Variants in MICAL2 observed in about 807,000 individuals in gnomAD.
MICAL2 encodes [F-actin]-monooxygenase MICAL2.
A neutral mutation model predicts 127.3 loss-of-function variants in MICAL2; 77 were observed. The observed-to-expected ratio is 0.60, with a 90% confidence interval of 0.50 to 0.73. MICAL2 has a LOEUF of 0.73. Ranked by LOEUF, MICAL2 falls within the 30% of genes least tolerant of loss-of-function variation. The pLI is 0.00. For synonymous variants in MICAL2, 570 were observed against 551.1 expected, an observed-to-expected ratio of 1.03 and a Z score of -0.48; for missense variants, 1,351 against 1,434.4, an observed-to-expected ratio of 0.94 and a Z score of 0.94.
intron 8 of MICAL2, 145 bp from the exon 9 acceptor site, chr11:12,220,056 T>A: frequency 1.1e-6 from 1 of 945,056 alleles, no homozygotes; most frequent in Non-Finnish European, 1.6e-6. Flanking sequence ...TATTTCCTCT[T>A]TATTCCCTTG....
chr11:12,339,286 G>A (rs574553525), intron 32 of MICAL2, among the ~76,000 whole-genome samples: 15 of 152,168 alleles, frequency 9.9e-5, no homozygotes, highest in African/African-American at 3.4e-4. Context: ...CTCGTGCCGT[G>A]GTTTTCAGCT....
At chr11:12,249,704 C>A (rs931996405) in intron 22 of MICAL2, among the ~76,000 whole-genome samples, 1 of 152,220 alleles carries the variant, frequency 6.6e-6, no homozygotes. Flanking sequence ...GCTGCCTTAC[C>A]CACGTGGGCT....
At chr11:12,155,139 C>A (rs976533800) in intron 2 of MICAL2, among the ~76,000 whole-genome samples, 1 of 152,144 alleles carries the variant, frequency 6.6e-6, no homozygotes, top group Non-Finnish European at 1.5e-5. Context: ...CATGCCTAGG[C>A]CAGAGTTCTT....
At chr11:12,278,453 G>A (rs1034802127) in intron 1 of MICAL2, among the ~76,000 whole-genome samples, 9 of 152,194 alleles carry the variant, frequency 5.9e-5, no homozygotes, top group African/African-American at 2.2e-4. Flanking sequence ...GCGTAAATAG[G>A]TGATAGGAAT....
At chr11:12,280,093 C>T (rs911998326) in intron 1 of MICAL2, among the ~76,000 whole-genome samples, 10 of 152,234 alleles carry the variant, frequency 6.6e-5, no homozygotes, top group African/African-American at 1.9e-4. Context: ...GACACCCTGC[C>T]TCCACTTCTT....
At chr11:12,272,333 A>C (rs1863683217), upstream of MICAL2, among the ~76,000 whole-genome samples, 1 of 151,984 alleles carries the variant, frequency 6.6e-6, no homozygotes, top group Non-Finnish European at 1.5e-5. Flanking sequence ...TGGAAGTCAG[A>C]TCTCCCTCCC....
downstream of MICAL2, among the ~76,000 whole-genome samples, chr11:12,288,903 T>G (rs1863859790): frequency 6.6e-6 from 1 of 152,224 alleles, no homozygotes; most frequent in African/African-American, 2.4e-5. Flanking sequence ...CCATCTTTTT[T>G]ATTGTCTTTA....
intron 2 of MICAL2, among the ~76,000 whole-genome samples, chr11:12,141,254 A>G (rs752841693): frequency 4.9e-4 from 75 of 152,142 alleles, no homozygotes; most frequent in Non-Finnish European, 9.3e-4. Context: ...CAGCTTAGCT[A>G]TGTGGCCTTG....
At chr11:12,195,215 G>A (rs535553626) in intron 3 of MICAL2, among the ~76,000 whole-genome samples, 1 of 152,140 alleles carries the variant, frequency 6.6e-6, no homozygotes, top group East Asian at 1.9e-4. Context: ...CGTGATTGTG[G>A]CACTGTACTC....
rs189897790 is a variant in MICAL2, at chr11:12,304,870, A to C, written c.5212+10013A>C. 1.4e-3 allele frequency among the ~76,000 whole-genome samples: 216 copies of C among 152,162 alleles called. 1 individual carries two copies. The highest frequency in any genetic ancestry group is 1.8e-3 in the Non-Finnish European group (120 of 68,008). On this transcript the variant is annotated intron_variant, in intron 29 of 34. Coordinates refer to the MICAL2 transcript ENST00000646065. ...CGTCATAGTCTAGAGTAAATCCTTC[A>C]CTTTGTTCTTCTTCAACATTGTCTT...
rs551861309 is a variant in MICAL2, at chr11:12,128,606, T to A, written c.-148-9784T>A. Among the ~76,000 whole-genome samples the A allele has an allele frequency of 2.6e-5, 4 of 152,234 alleles. No homozygotes were observed. In the East Asian group the frequency reaches 7.7e-4, roughly 29 times the overall value. On this transcript the variant is annotated intron_variant, in intron 1 of 27. Transcript: ENST00000683283. ...CAATTTCCAGGACAGATCGGGGCAGTGTGAATGTAGTGGGGAAAGCATGGG... is the reference window on the plus strand; with the variant it reads ...CAATTTCCAGGACAGATCGGGGCAGAGTGAATGTAGTGGGGAAAGCATGGG...
chr11:12,346,082 TAGAA>T (rs199780705), intron 32 of MICAL2, among the ~76,000 whole-genome samples: 7,444 of 152,294 alleles, frequency 0.049, 280 homozygotes, highest in Non-Finnish European at 0.075. Context: ...TGAAGGCCGA[TAGAA>T]AGAAGTTTTC....
At chr11:12,191,471 C>CAA (rs35378255) in intron 3 of MICAL2, among the ~76,000 whole-genome samples, 5,362 of 133,392 alleles carry the variant, frequency 0.04, 149 homozygotes, top group Non-Finnish European at 0.048. Context: ...GACTATGTCT[C>CAA]AAAAAAAAAA....
chr11:12,280,449 C>A (rs1565291782), intron 1 of MICAL2, among the ~76,000 whole-genome samples: 2 of 152,218 alleles, frequency 1.3e-5, no homozygotes, highest in African/African-American at 4.8e-5. Context: ...AACGTATTTT[C>A]TCACTGATTT....
At chr11:12,149,624 G>C (rs1311636962) in intron 2 of MICAL2, among the ~76,000 whole-genome samples, 2 of 152,188 alleles carry the variant, frequency 1.3e-5, no homozygotes, top group Non-Finnish European at 2.9e-5. Context: ...GAGGGAAAAG[G>C]GGCAGAGAAA....
intron 1 of MICAL2, among the ~76,000 whole-genome samples, chr11:12,126,787 A>G (rs1006183351): frequency 2.0e-5 from 3 of 151,914 alleles, no homozygotes; most frequent in Non-Finnish European, 4.4e-5. Flanking sequence ...AAGGTAGTTC[A>G]TGACTAATGT....
downstream of MICAL2, among the ~76,000 whole-genome samples, chr11:12,289,271 TGA>T (rs145846399): frequency 0.018 from 2,777 of 152,346 alleles, 68 homozygotes; most frequent in East Asian, 0.13. Context: ...CACGTGTGAC[TGA>T]GACCCCTGCA....
intron 1 of MICAL2, among the ~76,000 whole-genome samples, chr11:12,114,127 C>G (rs771155215): frequency 2.0e-5 from 3 of 152,154 alleles, no homozygotes; most frequent in Non-Finnish European, 2.9e-5. Flanking sequence ...TACTCATTAC[C>G]CAGCTTCCAC....
At chr11:12,319,921 A>T in intron 30 of MICAL2, 1 of 751,158 alleles carries the variant, frequency 1.3e-6, no homozygotes, top group South Asian at 1.6e-5. Context: ...TAGGAGGATC[A>T]TGTTTCATTG....
Sources: gnomAD v4.1 joint callset for allele counts (sites outside exome capture counted in the v4.1 genomes callset) on GRCh38, gnomAD v4.1.1 for gene constraint, MANE v1.5 for transcripts, NCBI Gene and HGNC (gene_info 2026-07-23, HGNC 2026-07-21) for gene names.